RFX4: variants seen among roughly 807,000 people sequenced by gnomAD.
RFX4 encodes the protein transcription factor RFX4.
Under a neutral mutation model 95.0 loss-of-function variants are expected in RFX4, and 10 were observed. The observed-to-expected ratio is 0.11, with a 90% CI of 0.06 to 0.18. The LOEUF is 0.18. Ranked by LOEUF, RFX4 falls within the 10% of genes least tolerant of loss-of-function variation. The pLI is 1.00. For missense variants in RFX4, 640 were observed against 922.0 expected, an observed-to-expected ratio of 0.69 and a Z score of 3.96; for synonymous variants, 321 against 340.7, an observed-to-expected ratio of 0.94 and a Z score of 0.64.
At chr12:106,592,253 T>C (rs375991002) in intron 1 of RFX4, among the ~76,000 whole-genome samples, 1 of 152,190 alleles carries the variant, frequency 6.6e-6, no homozygotes, top group African/African-American at 2.4e-5. Flanking sequence ...GTGCTTGTAC[T>C]ATGTAGATAC....
intron 1 of RFX4, among the ~76,000 whole-genome samples, chr12:106,596,811 G>A (rs1305859057): frequency 6.6e-6 from 1 of 152,206 alleles, no homozygotes; most frequent in African/African-American, 2.4e-5. Flanking sequence ...TCTGTGTTTA[G>A]CACAGTACAT....
At chr12:106,719,270 TTAAGCACC>T in intron 11 of RFX4, among the ~76,000 whole-genome samples, 1 of 152,330 alleles carries the variant, frequency 6.6e-6, no homozygotes, top group Admixed American at 6.5e-5. Context: ...CAAGTATCTA[TTAAGCACC>T]TACTACATGC....
chr12:106,596,820 A>G (rs1381774457), intron 1 of RFX4, among the ~76,000 whole-genome samples: 1 of 152,254 alleles, frequency 6.6e-6, no homozygotes, highest in Non-Finnish European at 1.5e-5. Flanking sequence ...AGCACAGTAC[A>G]TAGCATCTGC....
At chr12:106,753,781 AG>A (rs1352143480) in intron 17 of RFX4, among the ~76,000 whole-genome samples, 2 of 152,184 alleles carry the variant, frequency 1.3e-5, no homozygotes, top group Admixed American at 6.5e-5. Flanking sequence ...TGAGCAGATG[AG>A]TACATGGGAG....
chr12:106,638,996 G>A (rs1247738743), intron 2 of RFX4, among the ~76,000 whole-genome samples: 1 of 152,094 alleles, frequency 6.6e-6, no homozygotes, highest in Non-Finnish European at 1.5e-5. Flanking sequence ...ATGTTTTTAG[G>A]GTTGAAATTG....
At chr12:106,664,810 A>G (rs143471072) in intron 4 of RFX4, among the ~76,000 whole-genome samples, 2 of 151,820 alleles carry the variant, frequency 1.3e-5, no homozygotes, top group African/African-American at 4.8e-5. Context: ...GTTATGTAGA[A>G]TTGTTGTTTT....
chr12:106,684,349 A>G (rs996592463), intron 5 of RFX4, among the ~76,000 whole-genome samples: 1 of 152,216 alleles, frequency 6.6e-6, no homozygotes, highest in East Asian at 1.9e-4. Flanking sequence ...CCAGGGTGAC[A>G]GAGCGAGACC....
At chr12:106,694,435 C>A (rs2041840998) in intron 7 of RFX4, among the ~76,000 whole-genome samples, 2 of 152,072 alleles carry the variant, frequency 1.3e-5, no homozygotes, top group African/African-American at 2.4e-5. Context: ...CTTGGAGGGG[C>A]CTGAAGGATG....
intron 2 of RFX4, among the ~76,000 whole-genome samples, chr12:106,632,003 A>G (rs951918315): frequency 6.6e-6 from 1 of 152,220 alleles, no homozygotes; most frequent in Non-Finnish European, 1.5e-5. Context: ...TGACAGCTGT[A>G]TGTGCTTGGT....
intron 2 of RFX4, among the ~76,000 whole-genome samples, chr12:106,610,762 C>G (rs2039943986): frequency 6.6e-6 from 1 of 152,178 alleles, no homozygotes; most frequent in Non-Finnish European, 1.5e-5. Flanking sequence ...GTAAATAACG[C>G]TGTTTTGAAC....
chr12:106,734,361 C>G (rs1490052608), intron 15 of RFX4, among the ~76,000 whole-genome samples: 1 of 151,962 alleles, frequency 6.6e-6, no homozygotes, highest in East Asian at 1.9e-4. Context: ...TTTGGGAGGC[C>G]GAGGTGGGTG....
intron 15 of RFX4, among the ~76,000 whole-genome samples, chr12:106,736,023 A>G (rs1432702325): frequency 1.3e-5 from 2 of 152,116 alleles, no homozygotes; most frequent in African/African-American, 4.8e-5. Context: ...AACCTGCTCT[A>G]CTACCCTCCT....
At position 106,669,719 on chromosome 12, in the gene RFX4, C is replaced by T. The variant is rs1049290309; in HGVS notation, c.316-12274C>T. Reference sequence around the variant, plus strand: ...CCAGTTCTCAAAGGAAAAAAAAATACGTACATAGACAGACTTTCCTTCTAC... The same window carrying T: ...CCAGTTCTCAAAGGAAAAAAAAATATGTACATAGACAGACTTTCCTTCTAC... On this transcript the variant is annotated intron_variant, in intron 4 of 17. Transcript: ENST00000392842. 3.3e-5 allele frequency among the ~76,000 whole-genome samples: 5 copies of T among 151,448 alleles called. No individual in the cohort carries two copies. The East Asian group carries it at 9.6e-4, about 29-fold the overall frequency.
At chr12:106,750,593 G>A in intron 16 of RFX4, 62 bp from the exon 17 acceptor site, 1 of 1,333,026 alleles carries the variant, frequency 7.5e-7, no homozygotes, top group Non-Finnish European at 9.7e-7. Context: ...TTTTTAAAAA[G>A]GTGTCAAACT....
intron 15 of RFX4, among the ~76,000 whole-genome samples, chr12:106,739,950 C>A (rs2042778628): frequency 6.6e-6 from 1 of 152,212 alleles, no homozygotes. Context: ...GGCTGCAATT[C>A]TTTAATGGCA....
At chr12:106,693,047 C>T (rs1233738807) in intron 7 of RFX4, 5 of 391,468 alleles carry the variant, frequency 1.3e-5, no homozygotes, top group African/African-American at 2.1e-5. Context: ...TTGATTCTCT[C>T]CTTTCCCTCA....
intron 1 of RFX4, among the ~76,000 whole-genome samples, chr12:106,590,709 G>A (rs1425071099): frequency 1.3e-5 from 2 of 152,232 alleles, no homozygotes; most frequent in Non-Finnish European, 2.9e-5. Flanking sequence ...ACTTTGGGAG[G>A]TGAGGCAGGA....
intron 2 of RFX4, among the ~76,000 whole-genome samples, chr12:106,625,376 T>G (rs375960069): frequency 6.6e-6 from 1 of 152,266 alleles, no homozygotes; most frequent in African/African-American, 2.4e-5. Context: ...TGGGGTCAAG[T>G]CCTAAATGCC....
intron 1 of RFX4, among the ~76,000 whole-genome samples, chr12:106,590,893 G>T (rs980664911): frequency 1.3e-5 from 2 of 152,022 alleles, no homozygotes; most frequent in Admixed American, 1.3e-4. Flanking sequence ...GCTGTACTGA[G>T]CTCTGATCAC....
Sources: allele counts gnomAD v4.1 joint callset (sites outside exome capture counted in the v4.1 genomes callset), GRCh38; gene constraint gnomAD v4.1.1; transcripts MANE v1.5; gene names NCBI Gene and HGNC (gene_info 2026-07-23, HGNC 2026-07-21).